The following DISC1 variants were observed in gnomAD, a reference collection of about 807,000 sequenced individuals.
DISC1 encodes DISC1 scaffold protein, also known as disrupted in schizophrenia 1 protein.
Under a neutral mutation model 84.5 loss-of-function variants are expected in DISC1, and 57 were observed. The ratio of observed to expected loss-of-function variants is 0.67; its 90% confidence interval spans 0.55 to 0.84. The LOEUF is 0.84. Ranked by LOEUF, DISC1 falls within the 40% of genes least tolerant of loss-of-function variation. DISC1 has a pLI of 0.00. For synonymous variants in DISC1, 411 were observed against 415.2 expected, an observed-to-expected ratio of 0.99 and a Z score of 0.12; for missense variants, 1,000 against 1,057.8, an observed-to-expected ratio of 0.95 and a Z score of 0.76.
intron 3 of DISC1, among the ~76,000 whole-genome samples, chr1:231,727,620 C>T (rs1287853715): frequency 6.6e-6 from 1 of 152,112 alleles, no homozygotes; most frequent in African/African-American, 2.4e-5. Flanking sequence ...GCAATTAAAC[C>T]CATGACAGCA....
chr1:232,020,290 C>T (rs1262253437), intron 11 of DISC1, among the ~76,000 whole-genome samples: 4 of 151,868 alleles, frequency 2.6e-5, no homozygotes, highest in African/African-American at 4.8e-5. Flanking sequence ...CGCAGTGAGC[C>T]GAGATCACGC....
chr1:231,897,084 A>T lies in DISC1; in HGVS notation c.1982-61744A>T, dbSNP rs909440874. ...GAGTGAAGAAGGAGCTGGAAGGGGA[A>T]GGTGGGGATTCAGTTTGCCTGGCAG... On this transcript the variant is annotated intron_variant, in intron 9 of 12. Coordinates refer to ENST00000439617, the MANE Select transcript of DISC1 (RefSeq NM_018662.3). The surrounding 1 kb of genome is among the most constrained non-coding windows in gnomAD (Gnocchi z 4.5). Among the ~76,000 whole-genome samples the T allele has an allele frequency of 6.6e-6, 1 of 152,172 alleles. No homozygotes were observed. Among genetic ancestry groups the T allele is most frequent in the Non-Finnish European group, 1.5e-5 (1 of 68,026 alleles).
Position 231,800,174 on chromosome 1 carries a change from C to T in DISC1, c.1756C>T (p.Pro586Ser), listed in dbSNP as rs192018321. 1 of 1,612,132 alleles carries T rather than the reference C, an allele frequency of 6.2e-7. No homozygotes were observed. Among genetic ancestry groups the T allele is most frequent in the South Asian group, 1.1e-5 (1 of 91,070 alleles). Residue 586 changes from proline (P) to serine (S), a missense_variant, in exon 8 of 13, where the codon CCA becomes TCA. Pro to Ser is a moderately conservative substitution (Grantham distance 74). Coordinates refer to ENST00000439617, the MANE Select transcript of DISC1 (RefSeq NM_018662.3). The part of the protein sequence containing the change: ...KKVNDIETQL[P>S]ALLEAKMHAI... ...AGTTAACGATATTGAAACCCAACTA[C>T]CAGCCTTGCTTGAAGCCAAAATGCA...
intron 10 of DISC1, among the ~76,000 whole-genome samples, chr1:231,967,899 G>C (rs1661332847): frequency 6.6e-6 from 1 of 152,014 alleles, no homozygotes. Flanking sequence ...GAATTAAAAA[G>C]AGTAAAAAAG....
intron 9 of DISC1, among the ~76,000 whole-genome samples, chr1:231,886,761 TCC>T (rs1574409245): frequency 7.2e-5 from 8 of 110,904 alleles, no homozygotes; most frequent in South Asian, 7.1e-4. Context: ...CTTTCTTCCT[TCC>T]TTCCTTTCTT....
At chr1:231,867,836 A>G (rs1393805858) in intron 9 of DISC1, among the ~76,000 whole-genome samples, 1 of 152,244 alleles carries the variant, frequency 6.6e-6, no homozygotes, top group Non-Finnish European at 1.5e-5. Context: ...TAATGAAAGG[A>G]CACAGTCTTT....
At chr1:231,984,774 T>C (rs1277157805) in intron 10 of DISC1, among the ~76,000 whole-genome samples, 2 of 152,000 alleles carry the variant, frequency 1.3e-5, no homozygotes, top group African/African-American at 4.8e-5. Flanking sequence ...ACCAAGAAAG[T>C]ATAGCATTTG....
intron 9 of DISC1, among the ~76,000 whole-genome samples, chr1:231,888,663 G>A (rs551292767): frequency 2.8e-4 from 42 of 150,770 alleles, no homozygotes; most frequent in Admixed American, 2.7e-3. Flanking sequence ...GCATGAAGCC[G>A]GGAGGTGGAG....
chr1:231,710,514 C>G (rs572327489), intron 3 of DISC1, among the ~76,000 whole-genome samples: 75 of 152,292 alleles, frequency 4.9e-4, no homozygotes, highest in Non-Finnish European at 8.7e-4. Flanking sequence ...GGAAGGATGT[C>G]TTAGTCTGCT....
intron 9 of DISC1, among the ~76,000 whole-genome samples, chr1:231,879,310 G>A (rs567397259): frequency 5.9e-5 from 9 of 151,872 alleles, no homozygotes; most frequent in South Asian, 4.2e-4. Context: ...CCTGATCTTC[G>A]GTGTTTTTCT....
At chr1:231,765,219 A>AAAAAG (rs2076082211) in intron 4 of DISC1, among the ~76,000 whole-genome samples, 1 of 120,380 alleles carries the variant, frequency 8.3e-6, no homozygotes, top group Non-Finnish European at 1.9e-5. Flanking sequence ...AAAAAAAAAA[A>AAAAAG]CTTTGGATAA....
chr1:231,694,882 G>C (rs555130221), intron 2 of DISC1, 77 bp downstream of exon 2: 1 of 1,566,094 alleles, frequency 6.4e-7, no homozygotes, highest in South Asian at 1.2e-5. Context: ...CAGGAAACGA[G>C]GGGTTCTGGG....
intron 1 of DISC1, among the ~76,000 whole-genome samples, chr1:231,672,444 T>C (rs1288621127): frequency 6.6e-6 from 1 of 152,254 alleles, no homozygotes; most frequent in Non-Finnish European, 1.5e-5. Context: ...ATTTGAGCTA[T>C]GTCATTCTGC....
At chr1:231,699,942 C>T (rs1456710350) in intron 2 of DISC1, among the ~76,000 whole-genome samples, 2 of 152,146 alleles carry the variant, frequency 1.3e-5, no homozygotes, top group African/African-American at 4.8e-5. Context: ...GCTTTCTTAC[C>T]AGAAACACTT....
chr1:231,727,438 T>A (rs1215696961), intron 3 of DISC1, among the ~76,000 whole-genome samples: 6 of 151,648 alleles, frequency 4.0e-5, no homozygotes, highest in Non-Finnish European at 8.8e-5. Flanking sequence ...AGAGAGCGAG[T>A]TTAGGACAGG....
intron 3 of DISC1, among the ~76,000 whole-genome samples, chr1:231,707,149 A>C (rs1204284717): frequency 6.6e-6 from 1 of 152,206 alleles, no homozygotes; most frequent in South Asian, 2.1e-4. Flanking sequence ...TGTGGATGCC[A>C]TCTGGGGGCC....
chr1:231,867,358 G>GGCAGC (rs1217732781), intron 9 of DISC1, among the ~76,000 whole-genome samples: 2 of 152,306 alleles, frequency 1.3e-5, no homozygotes, highest in East Asian at 3.9e-4. Context: ...GATGAGAATA[G>GGCAGC]GCAGCATAGA....
intron 9 of DISC1, among the ~76,000 whole-genome samples, chr1:231,884,208 T>A (rs537690067): frequency 1.2e-4 from 19 of 152,280 alleles, no homozygotes; most frequent in Non-Finnish European, 2.6e-4. Context: ...CAGCTCTTTT[T>A]TGGACAATTT....
intron 11 of DISC1, among the ~76,000 whole-genome samples, chr1:232,013,413 T>C (rs968850644): frequency 1.1e-4 from 17 of 150,360 alleles, no homozygotes; most frequent in African/African-American, 3.3e-4. Context: ...TTTGTTCAGA[T>C]TGAGGTCTTC....
Sources: gnomAD v4.1 joint callset for allele counts (sites outside exome capture counted in the v4.1 genomes callset) on GRCh38, gnomAD v4.1.1 for gene constraint, Gnocchi (gnomAD v3.1) non-coding constraint, MANE v1.5 for transcripts, NCBI Gene and HGNC (gene_info 2026-07-23, HGNC 2026-07-21) for gene names.